The following TAFA4 variants were observed in gnomAD, a reference collection of about 807,000 sequenced individuals.
TAFA4 encodes the protein chemokine-like protein TAFA-4.
TAFA4 carries 20 observed loss-of-function variants against 21.1 expected under a neutral mutation model. The ratio of observed to expected loss-of-function variants is 0.95; its 90% confidence interval spans 0.67 to 1.38. The LOEUF is 1.38. Among genes scored for constraint, TAFA4 ranks in the 40% most tolerant of loss-of-function variants. The pLI is 0.00. For missense variants in TAFA4, 211 were observed against 180.9 expected, an observed-to-expected ratio of 1.17 and a Z score of -0.95; for synonymous variants, 71 against 67.4, an observed-to-expected ratio of 1.05 and a Z score of -0.26.
At chr3:68,885,114 T>C in intron 2 of TAFA4, 61 bp downstream of exon 2, 9 of 1,548,376 alleles carry the variant, frequency 5.8e-6, no homozygotes, top group Non-Finnish European at 6.2e-6. Flanking sequence ...TACTCACTTT[T>C]GCTAAATTCT....
chr3:68,870,508 T>C lies in TAFA4; in HGVS notation c.130+10222A>G, dbSNP rs916442401. Among the ~76,000 whole-genome samples the C allele has an allele frequency of 2.0e-5, 3 of 152,028 alleles. No individual in the cohort carries two copies. The East Asian group carries it at 5.8e-4, about 29-fold the overall frequency. The stretch of plus-strand genomic sequence containing the variant: ...TGGTACTAGCATAAAAACAGACACA[T>C]AGAGCAGTGGAACAGAATACAGAAC... On this transcript the variant is annotated intron_variant, in intron 3 of 5. Transcript: ENST00000295569.
intron 3 of TAFA4, among the ~76,000 whole-genome samples, chr3:68,852,031 A>C (rs1217155509): frequency 6.6e-6 from 1 of 152,320 alleles, no homozygotes; most frequent in East Asian, 1.9e-4. Flanking sequence ...ACAGCTCCGC[A>C]GTGATTCTGA....
intron 3 of TAFA4, among the ~76,000 whole-genome samples, chr3:68,825,164 A>C (rs115144794): frequency 0.13 from 19,448 of 151,786 alleles, 1,675 homozygotes; most frequent in African/African-American, 0.25. Flanking sequence ...TGTGATGATC[A>C]CCTCCCTGTG....
chr3:68,752,928 A>G lies in TAFA4; in HGVS notation c.221T>C (p.Val74Ala). 1 of 1,613,960 alleles carries G rather than the reference A, an allele frequency of 6.2e-7. No individual in the cohort carries two copies. Among genetic ancestry groups the G allele is most frequent in the South Asian group, 1.1e-5 (1 of 91,058 alleles). ...KNRIEERSQT[V>A]KCSCFPGQVA... Reference sequence around the variant, plus strand: ...CTGTCCCGGGAAGCAAGAGCACTTGACCGTTTGTGACCGCTCTTCTATGCG... The same window carrying G: ...CTGTCCCGGGAAGCAAGAGCACTTGGCCGTTTGTGACCGCTCTTCTATGCG... Residue 74 changes from valine to alanine, a missense_variant, in exon 4 of 6, where the codon GTC becomes GCC. Coordinates refer to ENST00000295569, the MANE Select transcript of TAFA4 (RefSeq NM_182522.5).
intron 3 of TAFA4, among the ~76,000 whole-genome samples, chr3:68,799,545 A>C (rs564137109): frequency 4.5e-4 from 68 of 152,306 alleles, no homozygotes; most frequent in African/African-American, 1.4e-3. Context: ...AGTTGTGATT[A>C]AATCAAGGAG....
chr3:68,797,224 T>C lies in TAFA4; in HGVS notation c.131-44206A>G, dbSNP rs188551045. On this transcript the variant is annotated intron_variant, in intron 3 of 5. Coordinates refer to ENST00000295569, the MANE Select transcript of TAFA4 (RefSeq NM_182522.5). ...CGTATTCATAGTGATATTATTGCAA[T>C]AGCCAAAAGACAGAAGCAACCCAAA... Among the ~76,000 whole-genome samples, 18 of 152,212 alleles carry C rather than the reference T, an allele frequency of 1.2e-4. No individual in the cohort carries two copies. In the East Asian group the frequency reaches 3.1e-3, roughly 26 times the overall value.
At chr3:68,862,555 A>G (rs777176262) in intron 3 of TAFA4, among the ~76,000 whole-genome samples, 4 of 152,090 alleles carry the variant, frequency 2.6e-5, no homozygotes, top group Non-Finnish European at 4.4e-5. Flanking sequence ...TCATCGACAG[A>G]GATTCCTCTT....
chr3:68,737,969 G>T (rs1351305994), intron 5 of TAFA4, among the ~76,000 whole-genome samples: 2 of 152,256 alleles, frequency 1.3e-5, no homozygotes, highest in African/African-American at 4.8e-5. Flanking sequence ...GCATTCATCT[G>T]GCTCTGGGAC....
At chr3:68,753,063 G>A (rs1702588659) in intron 3 of TAFA4, 45 bp from the exon 4 acceptor site, 1 of 1,581,870 alleles carries the variant, frequency 6.3e-7, no homozygotes, top group South Asian at 1.1e-5. Context: ...GCTGTTAGAA[G>A]GAAATGACAC....
chr3:68,927,785 C>A (rs1451654744), intron 1 of TAFA4, among the ~76,000 whole-genome samples: 2 of 151,832 alleles, frequency 1.3e-5, no homozygotes, highest in African/African-American at 4.8e-5. Flanking sequence ...GTAGTTCTAG[C>A]TACTCAGGAG....
chr3:68,763,714 T>G (rs1702797985), intron 3 of TAFA4, among the ~76,000 whole-genome samples: 1 of 152,176 alleles, frequency 6.6e-6, no homozygotes, highest in Non-Finnish European at 1.5e-5. Context: ...TCAGTTTTCT[T>G]AATCAGAAGT....
chr3:68,898,537 T>C (rs759464692), intron 1 of TAFA4, among the ~76,000 whole-genome samples: 5 of 152,138 alleles, frequency 3.3e-5, no homozygotes, highest in Non-Finnish European at 7.4e-5. Context: ...TCCCAGCTAC[T>C]AGGGAAGCCA....
chr3:68,777,522 T>C (rs943392842), intron 3 of TAFA4, among the ~76,000 whole-genome samples: 14 of 152,120 alleles, frequency 9.2e-5, no homozygotes, highest in African/African-American at 3.4e-4. Context: ...TACATAGGGA[T>C]AGTGCCTGCC....
At chr3:68,741,776 A>G (rs751779621) in intron 4 of TAFA4, among the ~76,000 whole-genome samples, 16 of 152,110 alleles carry the variant, frequency 1.1e-4, no homozygotes, top group Non-Finnish European at 2.4e-4. Flanking sequence ...TGGGTGACAG[A>G]GCAAGACTCC....
At chr3:68,782,758 A>G (rs1703175856) in intron 3 of TAFA4, among the ~76,000 whole-genome samples, 1 of 152,186 alleles carries the variant, frequency 6.6e-6, no homozygotes, top group Admixed American at 6.5e-5. Context: ...GGGAATGGGG[A>G]GTAGCAGTTT....
chr3:68,802,045 T>C (rs1703589774), intron 3 of TAFA4, among the ~76,000 whole-genome samples: 1 of 152,132 alleles, frequency 6.6e-6, no homozygotes, highest in Non-Finnish European at 1.5e-5. Context: ...CAAAGCAATA[T>C]TAATACACAT....
chr3:68,767,009 C>T (rs1383238561), intron 3 of TAFA4, among the ~76,000 whole-genome samples: 2 of 152,046 alleles, frequency 1.3e-5, no homozygotes, highest in African/African-American at 2.4e-5. Flanking sequence ...AAGCATGAGA[C>T]TTAGCAAATA....
intron 3 of TAFA4, among the ~76,000 whole-genome samples, chr3:68,800,412 CCTG>C (rs1289114479): frequency 1.3e-5 from 2 of 152,144 alleles, no homozygotes; most frequent in Non-Finnish European, 2.9e-5. Flanking sequence ...CGGTGCTGAC[CCTG>C]AACCCCAGTG....
At chr3:68,855,443 T>C (rs765000326) in intron 3 of TAFA4, among the ~76,000 whole-genome samples, 22 of 152,154 alleles carry the variant, frequency 1.4e-4, no homozygotes, top group Non-Finnish European at 2.6e-4. Flanking sequence ...ACATTCTGTA[T>C]AATAGTAAAA....
Sources: allele counts gnomAD v4.1 joint callset (sites outside exome capture counted in the v4.1 genomes callset), GRCh38; gene constraint gnomAD v4.1.1; transcripts MANE v1.5; gene names NCBI Gene and HGNC (gene_info 2026-07-23, HGNC 2026-07-21).